Variants in CBLB observed in about 807,000 individuals in gnomAD.
CBLB encodes Cbl proto-oncogene B.
In CBLB, 31 loss-of-function variants were observed where a neutral mutation model predicts 104.9. The observed-to-expected ratio is 0.30, with a 90% CI of 0.22 to 0.40. The LOEUF (loss-of-function observed/expected upper bound fraction) is 0.40, where lower values mean the gene tolerates loss of function less well. Ranked by LOEUF, CBLB falls within the 10% of genes least tolerant of loss-of-function variation. CBLB has a pLI of 1.00. For synonymous variants in CBLB, 440 were observed against 422.6 expected (o/e 1.04, Z -0.51); for missense variants, 1,062 against 1,214.6 (o/e 0.87, Z 1.87).
intron 3 of CBLB, among the ~76,000 whole-genome samples, chr3:105,829,480 G>A (rs2087090614): frequency 6.6e-6 from 1 of 151,734 alleles, no homozygotes; most frequent in South Asian, 2.1e-4. Context: ...GCAACATGGC[G>A]AGACCCTGTC....
intron 4 of CBLB, among the ~76,000 whole-genome samples, chr3:105,754,959 C>A (rs2076946076): frequency 6.6e-6 from 1 of 151,258 alleles, no homozygotes; most frequent in East Asian, 1.9e-4. Flanking sequence ...GAGTTCTAGT[C>A]TGTCTACCAA....
intron 3 of CBLB, among the ~76,000 whole-genome samples, chr3:105,806,947 A>G (rs2083585076): frequency 1.3e-5 from 2 of 152,220 alleles, no homozygotes; most frequent in African/African-American, 4.8e-5. Flanking sequence ...TAAAAATGGA[A>G]CCATATGAAT....
intron 18 of CBLB, 42 bp downstream of exon 18, chr3:105,670,191 A>G (rs1225397488): frequency 1.3e-6 from 2 of 1,566,798 alleles, no homozygotes; most frequent in South Asian, 1.1e-5. Context: ...AAAGCACTAT[A>G]TAACAATAAG....
At chr3:105,868,572 C>T (rs2153165780) in intron 1 of CBLB, 164 bp downstream of exon 1, 2 of 374,664 alleles carry the variant, frequency 5.3e-6, no homozygotes, top group East Asian at 6.1e-5. Context: ...CCCCGGCCTG[C>T]GGGTTCTGGT....
chr3:105,788,497 G>A (rs2081282223), intron 3 of CBLB, among the ~76,000 whole-genome samples: 1 of 152,146 alleles, frequency 6.6e-6, no homozygotes, highest in Non-Finnish European at 1.5e-5. Flanking sequence ...ACGAATTTGT[G>A]TTGAGCTACA....
intron 3 of CBLB, among the ~76,000 whole-genome samples, chr3:105,795,939 GTCTCTAAC>G (rs11278583): frequency 0.097 from 14,768 of 151,768 alleles, 788 homozygotes; most frequent in Admixed American, 0.13. Context: ...AGACAGGCTT[GTCTCTAAC>G]TCCTGACCTT....
rs2080871418 is a variant in CBLB at position 105,785,466 on chromosome 3, C to T, written c.420-8924G>A. 2.0e-5 allele frequency among the ~76,000 whole-genome samples: 3 copies of T among 151,998 alleles called. No homozygotes were observed. In the South Asian group the frequency reaches 6.2e-4, roughly 32 times the overall value. ...ATGGTAAAACAGAATACCAACAAGA[C>T]AAAGGAAATTAATGCTATATCCCTC... On this transcript the variant is annotated intron_variant, in intron 3 of 18. Transcript: ENST00000394030.
At chr3:105,782,714 G>A (rs753310451) in intron 3 of CBLB, among the ~76,000 whole-genome samples, 10 of 151,670 alleles carry the variant, frequency 6.6e-5, no homozygotes, top group Non-Finnish European at 8.8e-5. Flanking sequence ...AGCCTCCAGA[G>A]GGTGTATGCC....
intron 2 of CBLB, among the ~76,000 whole-genome samples, chr3:105,859,531 T>C (rs1158790361): frequency 6.6e-6 from 1 of 151,938 alleles, no homozygotes; most frequent in Non-Finnish European, 1.5e-5. Flanking sequence ...GGCAGGCGCC[T>C]GTAGTCCCAG....
At chr3:105,670,567 TAA>T (rs1360093355) in intron 17 of CBLB, 2 of 532,998 alleles carry the variant, frequency 3.8e-6, no homozygotes, top group Non-Finnish European at 6.7e-6. Context: ...TTCCAGATAA[TAA>T]AGACTACTTG....
chr3:105,676,990 G>C (rs1231649537), intron 17 of CBLB, among the ~76,000 whole-genome samples: 1 of 152,150 alleles, frequency 6.6e-6, no homozygotes, highest in Non-Finnish European at 1.5e-5. Flanking sequence ...CAGGCATGCA[G>C]AACTGTGAAG....
At chr3:105,681,301 T>C (rs2066285837) in intron 16 of CBLB, 178 bp downstream of exon 16, 2 of 631,516 alleles carry the variant, frequency 3.2e-6, no homozygotes. Context: ...ACCTTAATCA[T>C]CTACATGGAG....
At chr3:105,818,783 A>T (rs1021175881) in intron 3 of CBLB, among the ~76,000 whole-genome samples, 1 of 151,986 alleles carries the variant, frequency 6.6e-6, no homozygotes. Flanking sequence ...TTTTATGCAA[A>T]ATTCTAAGAA....
chr3:105,677,763 A>C (rs558796210), intron 17 of CBLB, among the ~76,000 whole-genome samples: 1 of 150,182 alleles, frequency 6.7e-6, no homozygotes, highest in East Asian at 1.9e-4. Flanking sequence ...AAATTTTAAA[A>C]TATACTAATA....
chr3:105,686,056 A>G (rs1381326977), intron 13 of CBLB, among the ~76,000 whole-genome samples: 1 of 152,210 alleles, frequency 6.6e-6, no homozygotes, highest in African/African-American at 2.4e-5. Flanking sequence ...AGATGTAGAT[A>G]ATGAGAGAAC....
intron 3 of CBLB, among the ~76,000 whole-genome samples, chr3:105,832,079 G>A (rs2087623233): frequency 1.3e-5 from 2 of 151,960 alleles, no homozygotes; most frequent in African/African-American, 4.8e-5. Context: ...AATTATTAAA[G>A]CAATGGATGA....
chr3:105,698,605 CAAAAAAAAAAA>C (rs34896633), intron 12 of CBLB, among the ~76,000 whole-genome samples: 1 of 80,818 alleles, frequency 1.2e-5, no homozygotes, highest in Non-Finnish European at 2.4e-5. Flanking sequence ...ACCATTTGAC[CAAAAAAAAAAA>C]AAAAAAAAAA....
At chr3:105,832,318 C>T (rs191909400) in intron 3 of CBLB, among the ~76,000 whole-genome samples, 3 of 152,278 alleles carry the variant, frequency 2.0e-5, no homozygotes, top group East Asian at 3.9e-4. Context: ...CAATTATGTG[C>T]TTCTCAGTAA....
rs1303062620 is a variant in CBLB at position 105,795,837 on chromosome 3, G to A, written c.420-19295C>T. 3.9e-5 allele frequency among the ~76,000 whole-genome samples: 6 copies of A among 151,966 alleles called. No individual in the cohort carries two copies. The East Asian group carries it at 9.7e-4, about 24-fold the overall frequency. ...CGGCTCACTGCAACCTCTGCCTCCC[G>A]GGTTCAAGCAATTCTCCTGCCTCAG... On this transcript the variant is annotated intron_variant, in intron 3 of 18. Coordinates refer to ENST00000394030, the MANE Select transcript of CBLB (RefSeq NM_170662.5).
Sources: gnomAD v4.1 joint callset for allele counts (sites outside exome capture counted in the v4.1 genomes callset) on GRCh38, gnomAD v4.1.1 for gene constraint, MANE v1.5 for transcripts, NCBI Gene and HGNC (gene_info 2026-07-23, HGNC 2026-07-21) for gene names.